The following INPP5A variants were observed in gnomAD, a reference collection of about 807,000 sequenced individuals.
The protein encoded by INPP5A is inositol polyphosphate-5-phosphatase A.
A neutral mutation model predicts 65.2 loss-of-function variants in INPP5A; 14 were observed. The ratio of observed to expected loss-of-function variants is 0.21; its 90% CI spans 0.14 to 0.34. The LOEUF is 0.34. Ranked by LOEUF, INPP5A falls within the 10% of genes least tolerant of loss-of-function variation. The pLI, the probability that INPP5A is intolerant of heterozygous loss-of-function variation, is 1.00. For synonymous variants in INPP5A, 207 were observed against 208.3 expected, an observed-to-expected ratio of 0.99 and a Z score of 0.05; for missense variants, 431 against 545.6, an observed-to-expected ratio of 0.79 and a Z score of 2.09.
intron 4 of INPP5A, among the ~76,000 whole-genome samples, chr10:132,684,326 C>A (rs530233601): frequency 3.9e-5 from 6 of 152,194 alleles, no homozygotes; most frequent in Admixed American, 3.3e-4. Flanking sequence ...AGAGCTCCAG[C>A]GTCTCTGAGA....
At chr10:132,722,264 C>T (rs1259381660) in intron 8 of INPP5A, among the ~76,000 whole-genome samples, 2 of 152,058 alleles carry the variant, frequency 1.3e-5, no homozygotes, top group African/African-American at 4.8e-5. Flanking sequence ...GTTTCAGCTA[C>T]GGTCGCTTTC....
At chr10:132,776,371 T>C (rs941948419) in intron 12 of INPP5A, among the ~76,000 whole-genome samples, 1 of 151,358 alleles carries the variant, frequency 6.6e-6, no homozygotes, top group Non-Finnish European at 1.5e-5. Context: ...CCCGGCTGTT[T>C]CCAGGTGGTT....
At chr10:132,635,279 C>T (rs2072329276) in intron 2 of INPP5A, among the ~76,000 whole-genome samples, 1 of 151,450 alleles carries the variant, frequency 6.6e-6, no homozygotes, top group East Asian at 1.9e-4. Flanking sequence ...TCTGTTTGTA[C>T]ACTGGTTTTT....
intron 6 of INPP5A, among the ~76,000 whole-genome samples, chr10:132,703,658 CCACA>C (rs377671777): frequency 1.7e-5 from 2 of 120,382 alleles, no homozygotes; most frequent in African/African-American, 6.5e-5. Flanking sequence ...CCGCACACCC[CCACA>C]CACACACACG....
chr10:132,610,111 C>T (rs1031263581), intron 2 of INPP5A, among the ~76,000 whole-genome samples: 13 of 152,344 alleles, frequency 8.5e-5, no homozygotes, highest in South Asian at 4.1e-4. Context: ...ACCGAGGTCC[C>T]GGCAACAGCT....
rs1202180795 is a variant in INPP5A, at chr10:132,587,142, A to G, written c.76-20773A>G. Among the ~76,000 whole-genome samples the G allele has an allele frequency of 6.6e-6, 1 of 152,234 alleles. No individual in the cohort carries two copies. Among genetic ancestry groups the G allele is most frequent in the Non-Finnish European group, 1.5e-5 (1 of 68,046 alleles). ...TTTTTTCAGTTTTAAAAAATAATAC[A>G]AACACATTTAAAAAACAAGAGAGCC... On this transcript the variant is annotated intron_variant, in intron 1 of 15. Transcript: ENST00000368594. The surrounding 1 kb of genome is among the most constrained non-coding windows in gnomAD (Gnocchi z 4.3).
intron 2 of INPP5A, among the ~76,000 whole-genome samples, chr10:132,634,729 T>G (rs556359951): frequency 6.6e-6 from 1 of 152,386 alleles, no homozygotes; most frequent in South Asian, 2.1e-4. Context: ...GTCTCGGTCA[T>G]CACGAATGTT....
At chr10:132,544,270 T>G (rs2133243489) in intron 1 of INPP5A, among the ~76,000 whole-genome samples, 1 of 152,310 alleles carries the variant, frequency 6.6e-6, no homozygotes, top group Non-Finnish European at 1.5e-5. Flanking sequence ...GCTCTGCCGC[T>G]CCGGCCAGAG....
rs572556125 is a variant in INPP5A, at chr10:132,698,304, C to T, written c.474+385C>T. 4.3e-4 allele frequency among the ~76,000 whole-genome samples: 65 copies of T among 152,294 alleles called. No homozygotes were observed. The highest frequency in any genetic ancestry group is 1.5e-3 in the African/African-American group (61 of 41,564). On this transcript the variant is annotated intron_variant, in intron 6 of 15. Coordinates refer to ENST00000368594, the MANE Select transcript of INPP5A (RefSeq NM_005539.5). The surrounding 1 kb of genome is among the most constrained non-coding windows in gnomAD (Gnocchi z 5.5). ...ACAGTGGCTGACAGTCCTGTGTGCC[C>T]GTGGTGTGAGTGTGGGGCAGGGGCA...
rs1006620311 is a variant in INPP5A, at chr10:132,547,710, G to A, written c.75+9539G>A. ...TCAAAGGGTTCCTCCGGGACGCCTC[G>A]CCTAGGCAAGCAGGGTTTTCCTCCT... On this transcript the variant is annotated intron_variant, in intron 1 of 15. Coordinates refer to ENST00000368594, the MANE Select transcript of INPP5A (RefSeq NM_005539.5). The surrounding 1 kb of genome is among the most constrained non-coding windows in gnomAD (Gnocchi z 5.5). 5.9e-5 allele frequency among the ~76,000 whole-genome samples: 9 copies of A among 152,016 alleles called. No homozygotes were observed. Among genetic ancestry groups the A allele is most frequent in the African/African-American group, 1.9e-4 (8 of 41,396 alleles).
intron 1 of INPP5A, among the ~76,000 whole-genome samples, chr10:132,579,685 C>G (rs2071457088): frequency 6.6e-6 from 1 of 152,136 alleles, no homozygotes; most frequent in Admixed American, 6.5e-5. Flanking sequence ...TAGGTGGGGC[C>G]TCAGTGAGGC....
chr10:132,729,878 G>C (rs1368179870), intron 9 of INPP5A, among the ~76,000 whole-genome samples: 1 of 152,198 alleles, frequency 6.6e-6, no homozygotes, highest in Admixed American at 6.5e-5. Flanking sequence ...CAGTTCTCCA[G>C]AAACTGCCAC....
chr10:132,702,951 C>T (rs962985082), intron 6 of INPP5A, among the ~76,000 whole-genome samples: 3 of 152,146 alleles, frequency 2.0e-5, no homozygotes, highest in African/African-American at 4.8e-5. Context: ...CGAGTCTGGA[C>T]GTGGGAGCTG....
intron 2 of INPP5A, among the ~76,000 whole-genome samples, chr10:132,633,925 C>T (rs146245559): frequency 1.1e-3 from 166 of 152,326 alleles, no homozygotes; most frequent in African/African-American, 3.7e-3. Flanking sequence ...AGCTCGTGGC[C>T]AGTTCTGCTT....
At chr10:132,570,190 AC>A (rs1348551396) in intron 1 of INPP5A, among the ~76,000 whole-genome samples, 1 of 151,494 alleles carries the variant, frequency 6.6e-6, no homozygotes, top group Non-Finnish European at 1.5e-5. Flanking sequence ...CAGGTGATCC[AC>A]TCGCCTCAGC....
At position 132,580,015 on chromosome 10, in the gene INPP5A, C is replaced by T. The variant is rs1231042351; in HGVS notation, c.76-27900C>T. Among the ~76,000 whole-genome samples the T allele has an allele frequency of 5.3e-5, 8 of 151,914 alleles. No homozygotes were observed. The East Asian group carries it at 1.6e-3, about 30-fold the overall frequency. ...AGTCTGCCCCCGGGTTGTGGCCCAC[C>T]TTCCTCCCACTGCTGGCAGGGGCTT... On this transcript the variant is annotated intron_variant, in intron 1 of 15. Coordinates refer to ENST00000368594, the MANE Select transcript of INPP5A (RefSeq NM_005539.5).
intron 12 of INPP5A, among the ~76,000 whole-genome samples, chr10:132,767,459 G>T (rs533792771): frequency 6.6e-6 from 1 of 152,328 alleles, no homozygotes; most frequent in Non-Finnish European, 1.5e-5. Flanking sequence ...GGTTGGAGGA[G>T]CCTCCAGAAG....
chr10:132,686,775 GCTTT>G (rs1369764029), intron 4 of INPP5A, among the ~76,000 whole-genome samples: 14 of 152,308 alleles, frequency 9.2e-5, no homozygotes, highest in Non-Finnish European at 2.1e-4. Context: ...TTTTCAGAGT[GCTTT>G]CTTTATCTGA....
At chr10:132,775,969 G>C (rs946800505) in intron 12 of INPP5A, among the ~76,000 whole-genome samples, 1 of 152,108 alleles carries the variant, frequency 6.6e-6, no homozygotes, top group Non-Finnish European at 1.5e-5. Flanking sequence ...GTGTCCGGGG[G>C]GCAGTGGACG....
Sources: gnomAD v4.1 joint callset for allele counts (sites outside exome capture counted in the v4.1 genomes callset) on GRCh38, gnomAD v4.1.1 for gene constraint, Gnocchi (gnomAD v3.1) non-coding constraint, MANE v1.5 for transcripts, NCBI Gene and HGNC (gene_info 2026-07-23, HGNC 2026-07-21) for gene names.